The following VPS13B variants were observed in gnomAD, a reference collection of about 807,000 sequenced individuals.
The protein encoded by VPS13B is intermembrane lipid transfer protein VPS13B.
VPS13B carries 285 observed loss-of-function variants against 426.4 expected under a neutral mutation model. That is an observed-to-expected ratio of 0.67 (90% confidence interval 0.61 to 0.74). The LOEUF (loss-of-function observed/expected upper bound fraction) is 0.74, where lower values mean the gene tolerates loss of function less well. VPS13B is among the 30% of genes least tolerant of loss of function. The pLI is 0.00. For missense variants in VPS13B, 4,537 were observed against 4,782.6 expected, an observed-to-expected ratio of 0.95 and a Z score of 1.51; for synonymous variants, 1,676 against 1,676.4, an observed-to-expected ratio of 1.00 and a Z score of 0.01.
intron 17 of VPS13B, among the ~76,000 whole-genome samples, chr8:99,273,159 G>GT (rs757322206): frequency 0.064 from 8,331 of 129,404 alleles, 305 homozygotes; most frequent in South Asian, 0.1. Flanking sequence ...TACTCAGGTA[G>GT]TTTTTTTTTT....
intron 42 of VPS13B, among the ~76,000 whole-genome samples, chr8:99,782,440 T>C (rs935153808): frequency 6.6e-6 from 1 of 151,908 alleles, no homozygotes; most frequent in African/African-American, 2.4e-5. Flanking sequence ...GAAGGTGAAA[T>C]ATAGAATCTT....
intron 3 of VPS13B, among the ~76,000 whole-genome samples, chr8:99,073,699 CTTT>C (rs71273160): frequency 5.6e-4 from 47 of 83,542 alleles, no homozygotes; most frequent in African/African-American, 1.3e-3. Flanking sequence ...ATTTTCTTTC[CTTT>C]TTTTTTTTTT....
At chr8:99,672,435 T>C (rs1351751071) in intron 35 of VPS13B, among the ~76,000 whole-genome samples, 1 of 152,190 alleles carries the variant, frequency 6.6e-6, no homozygotes, top group East Asian at 1.9e-4. Flanking sequence ...TGTTAGTGTA[T>C]AGAAATGCTA....
At chr8:99,428,684 G>A (rs1816886801) in intron 21 of VPS13B, among the ~76,000 whole-genome samples, 1 of 152,144 alleles carries the variant, frequency 6.6e-6, no homozygotes, top group African/African-American at 2.4e-5. Flanking sequence ...CTGTTGGTGG[G>A]AGTGTAAACT....
intron 21 of VPS13B, among the ~76,000 whole-genome samples, chr8:99,425,215 T>G (rs1467512598): frequency 6.6e-6 from 1 of 152,208 alleles, no homozygotes; most frequent in African/African-American, 2.4e-5. Flanking sequence ...ACTCATTTTG[T>G]GAGTCCAGCA....
intron 22 of VPS13B, among the ~76,000 whole-genome samples, chr8:99,441,275 C>T (rs1281898969): frequency 6.6e-6 from 1 of 152,112 alleles, no homozygotes; most frequent in South Asian, 2.1e-4. Flanking sequence ...AATTATTTAT[C>T]CTATCAAGGA....
intron 19 of VPS13B, among the ~76,000 whole-genome samples, chr8:99,364,764 G>T (rs1380105988): frequency 6.6e-6 from 1 of 152,078 alleles, no homozygotes; most frequent in Non-Finnish European, 1.5e-5. Context: ...TCTTTGTCTG[G>T]TTTTTGGGAT....
At chr8:99,657,922 G>A (rs540960494) in intron 34 of VPS13B, among the ~76,000 whole-genome samples, 76 of 152,226 alleles carry the variant, frequency 5.0e-4, no homozygotes, top group Admixed American at 1.4e-3. Flanking sequence ...ATCCATGGGG[G>A]AATTTGTTTC....
chr8:99,209,263 C>G (rs1253983590), intron 17 of VPS13B, among the ~76,000 whole-genome samples: 4 of 145,816 alleles, frequency 2.7e-5, no homozygotes, highest in African/African-American at 1.0e-4. Flanking sequence ...AGCCTGGTGA[C>G]AGACTGAGGC....
intron 19 of VPS13B, among the ~76,000 whole-genome samples, chr8:99,286,509 TC>T (rs1024057626): frequency 6.6e-6 from 1 of 152,174 alleles, no homozygotes; most frequent in African/African-American, 2.4e-5. Context: ...AACTGGCTTT[TC>T]CCTTAATGGG....
intron 3 of VPS13B, among the ~76,000 whole-genome samples, chr8:99,082,032 G>C (rs1397184479): frequency 6.6e-6 from 1 of 152,114 alleles, no homozygotes; most frequent in African/African-American, 2.4e-5. Flanking sequence ...CTGAGGAATC[G>C]CCACACTGAC....
chr8:99,597,065 G>A (rs144929401), intron 33 of VPS13B, among the ~76,000 whole-genome samples: 91 of 152,048 alleles, frequency 6.0e-4, no homozygotes, highest in Admixed American at 1.8e-3. Flanking sequence ...TGTTCAGTAC[G>A]TCTATAGTGA....
At chr8:99,118,158 A>C (rs1303339404) in intron 7 of VPS13B, among the ~76,000 whole-genome samples, 1 of 152,202 alleles carries the variant, frequency 6.6e-6, no homozygotes, top group East Asian at 1.9e-4. Context: ...TTTCAAATAT[A>C]TGGAAAAGCT....
At chr8:99,767,669 T>C (rs576100894) in intron 40 of VPS13B, among the ~76,000 whole-genome samples, 5 of 152,206 alleles carry the variant, frequency 3.3e-5, no homozygotes, top group Middle Eastern at 3.4e-3. Context: ...TGGCTCGCAG[T>C]TGTAATCCCA....
intron 3 of VPS13B, among the ~76,000 whole-genome samples, chr8:99,077,882 T>G (rs1336312826): frequency 6.6e-6 from 1 of 152,166 alleles, no homozygotes; most frequent in Non-Finnish European, 1.5e-5. Context: ...TTCTAAAATC[T>G]AGTTAGATAT....
chr8:99,156,500 A>G (rs1013689110), intron 14 of VPS13B, 49 bp from the exon 15 acceptor site: 1 of 1,592,614 alleles, frequency 6.3e-7, no homozygotes, highest in Non-Finnish European at 8.6e-7. Flanking sequence ...ACTGCAACTC[A>G]GTCACTGCTC....
intron 29 of VPS13B, among the ~76,000 whole-genome samples, chr8:99,516,724 G>T (rs1822090725): frequency 7.1e-6 from 1 of 139,974 alleles, no homozygotes; most frequent in Non-Finnish European, 1.5e-5. Flanking sequence ...GGAGGTCAGG[G>T]CTTCAGTGAG....
intron 23 of VPS13B, among the ~76,000 whole-genome samples, chr8:99,445,329 G>A (rs956902440): frequency 6.7e-6 from 1 of 149,686 alleles, no homozygotes; most frequent in African/African-American, 2.4e-5. Flanking sequence ...CCCGGTTGTG[G>A]TGGCTTGAGC....
chr8:99,871,112 C>G (rs980477333), intron 60 of VPS13B: 2 of 608,698 alleles, frequency 3.3e-6, no homozygotes, highest in African/African-American at 3.7e-5. Context: ...CCTAACCACT[C>G]AAGGAAGGTC....
Sources: allele counts gnomAD v4.1 joint callset (sites outside exome capture counted in the v4.1 genomes callset), GRCh38; gene constraint gnomAD v4.1.1; transcripts MANE v1.5; gene names NCBI Gene and HGNC (gene_info 2026-07-23, HGNC 2026-07-21).